Variants in RMST observed in about 807,000 individuals in gnomAD.
The protein encoded by RMST is long intergenic non-protein coding RNA 54.
intron 10 of RMST, among the ~76,000 whole-genome samples, chr12:97,528,449 A>C (rs2136578931): frequency 6.6e-6 from 1 of 152,154 alleles, no homozygotes; most frequent in Admixed American, 6.5e-5. Context: ...ACATAGCATT[A>C]TTTTATTCTC....
chr12:97,515,981 ACT>A (rs1317176752), intron 10 of RMST, among the ~76,000 whole-genome samples: 5 of 151,506 alleles, frequency 3.3e-5, no homozygotes, highest in Non-Finnish European at 7.4e-5. Context: ...TCTTCTATAA[ACT>A]CTTTGTTGGT....
At chr12:97,541,765 T>C (rs1882557256) in intron 11 of RMST, among the ~76,000 whole-genome samples, 1 of 151,452 alleles carries the variant, frequency 6.6e-6, no homozygotes, top group African/African-American at 2.4e-5. Flanking sequence ...CTTCCTTTCC[T>C]TTTTATAAGT....
intron 10 of RMST, among the ~76,000 whole-genome samples, chr12:97,525,826 A>G (rs1340758317): frequency 6.6e-6 from 1 of 152,170 alleles, no homozygotes; most frequent in African/African-American, 2.4e-5. Context: ...CCTGCAAGTG[A>G]GAGAAGCTTC....
chr12:97,501,447 G>C (rs545800079), intron 10 of RMST, among the ~76,000 whole-genome samples: 132 of 152,294 alleles, frequency 8.7e-4, no homozygotes, highest in Non-Finnish European at 1.5e-3. Context: ...GATAAAATAG[G>C]TATACCACTA....
At chr12:97,506,043 A>G (rs1878627800) in intron 10 of RMST, among the ~76,000 whole-genome samples, 1 of 152,216 alleles carries the variant, frequency 6.6e-6, no homozygotes, top group Non-Finnish European at 1.5e-5. Flanking sequence ...ACATATTTTA[A>G]TAAAAGTAGC....
chr12:97,548,860 C>T (rs1169995047), intron 11 of RMST, among the ~76,000 whole-genome samples: 1 of 151,898 alleles, frequency 6.6e-6, no homozygotes, highest in Non-Finnish European at 1.5e-5. Context: ...CATAAAAAAA[C>T]AAATGGAGAA....
intron 10 of RMST, among the ~76,000 whole-genome samples, chr12:97,525,615 G>A (rs2136568153): frequency 6.6e-6 from 1 of 152,258 alleles, no homozygotes; most frequent in East Asian, 1.9e-4. Context: ...ACCAGTGTGT[G>A]CAGCTCCTTG....
chr12:97,552,521 A>G (rs1883376090), intron 11 of RMST, among the ~76,000 whole-genome samples: 1 of 152,094 alleles, frequency 6.6e-6, no homozygotes, highest in Admixed American at 6.6e-5. Flanking sequence ...CTTCAGGGGT[A>G]CAAATAAAGG....
chr12:97,510,042 A>G (rs185732454), intron 10 of RMST, among the ~76,000 whole-genome samples: 44 of 152,364 alleles, frequency 2.9e-4, no homozygotes, highest in African/African-American at 9.1e-4. Context: ...AGACTGCTGG[A>G]TAAGTTAATT....
chr12:97,519,816 A>T (rs1880325451), intron 10 of RMST, among the ~76,000 whole-genome samples: 1 of 152,218 alleles, frequency 6.6e-6, no homozygotes, highest in South Asian at 2.1e-4. Context: ...TGCTTTAAGT[A>T]TAATGTGGCA....
intron 11 of RMST, among the ~76,000 whole-genome samples, chr12:97,558,823 C>T (rs189373502): frequency 1.1e-3 from 162 of 152,222 alleles, no homozygotes; most frequent in African/African-American, 3.8e-3. Context: ...CACTTAGACT[C>T]CTGATACTGA....
At chr12:97,525,499 G>A (rs964370192) in intron 10 of RMST, among the ~76,000 whole-genome samples, 3 of 152,070 alleles carry the variant, frequency 2.0e-5, no homozygotes, top group Non-Finnish European at 4.4e-5. Flanking sequence ...GGTTTAAAAG[G>A]AGAGCTACAT....
chr12:97,508,467 A>C (rs1237775336), intron 10 of RMST, among the ~76,000 whole-genome samples: 1 of 152,154 alleles, frequency 6.6e-6, no homozygotes, highest in Non-Finnish European at 1.5e-5. Flanking sequence ...ATTCTTTCAG[A>C]AGGAGGAAGA....
chr12:97,479,088 T>C (rs1483283285), intron 5 of RMST, among the ~76,000 whole-genome samples: 1 of 151,240 alleles, frequency 6.6e-6, no homozygotes, highest in Non-Finnish European at 1.5e-5. Context: ...TTCAAACCTC[T>C]TGAAAATTTG....
intron 11 of RMST, among the ~76,000 whole-genome samples, chr12:97,531,581 G>A (rs904104801): frequency 2.6e-5 from 4 of 152,020 alleles, no homozygotes; most frequent in African/African-American, 9.7e-5. Flanking sequence ...ATGTGCCTGT[G>A]TGTATGTGGC....
chr12:97,526,535 C>A (rs1469936670), intron 10 of RMST, among the ~76,000 whole-genome samples: 1 of 152,136 alleles, frequency 6.6e-6, no homozygotes, highest in African/African-American at 2.4e-5. Flanking sequence ...TCCAGGTCTT[C>A]ACATTCAAAG....
intron 10 of RMST, among the ~76,000 whole-genome samples, chr12:97,521,748 C>G (rs144984045): frequency 1.0e-3 from 153 of 152,214 alleles, no homozygotes; most frequent in African/African-American, 3.6e-3. Context: ...TTAGGCAGAG[C>G]CTCTCTGAAA....
At chr12:97,546,881 A>G (rs1466360153) in intron 11 of RMST, among the ~76,000 whole-genome samples, 1 of 152,010 alleles carries the variant, frequency 6.6e-6, no homozygotes, top group African/African-American at 2.4e-5. Context: ...CATATTGTAC[A>G]GTAGGTCTCT....
At chr12:97,517,394 A>G (rs1363930141) in intron 10 of RMST, among the ~76,000 whole-genome samples, 1 of 151,936 alleles carries the variant, frequency 6.6e-6, no homozygotes, top group Non-Finnish European at 1.5e-5. Context: ...ATTGTTAAAA[A>G]ATCTGAGTGA....
Sources: gnomAD v4.1 joint callset for allele counts (sites outside exome capture counted in the v4.1 genomes callset) on GRCh38, gnomAD v4.1.1 for gene constraint, MANE v1.5 for transcripts, NCBI Gene and HGNC (gene_info 2026-07-23, HGNC 2026-07-21) for gene names.